ZNF521: variants seen among roughly 807,000 people sequenced by gnomAD.
ZNF521 encodes LYST-interacting protein 3.
Under a neutral mutation model 105.5 loss-of-function variants are expected in ZNF521, and 14 were observed. The observed-to-expected ratio is 0.13, with a 90% confidence interval of 0.09 to 0.21. The LOEUF (loss-of-function observed/expected upper bound fraction) is 0.21, where lower values mean the gene tolerates loss of function less well. Ranked by LOEUF, ZNF521 falls within the 10% of genes least tolerant of loss-of-function variation. ZNF521 has a pLI of 1.00. For synonymous variants in ZNF521, 635 were observed against 606.0 expected (o/e 1.05, Z -0.70); for missense variants, 1,233 against 1,629.7 (o/e 0.76, Z 4.19).
At chr18:25,291,851 C>G (rs946809053) in intron 3 of ZNF521, among the ~76,000 whole-genome samples, 2 of 152,078 alleles carry the variant, frequency 1.3e-5, no homozygotes, top group Non-Finnish European at 2.9e-5. Context: ...AACACCCTCT[C>G]TAGATACAAC....
chr18:25,200,350 T>C (rs768827324), intron 4 of ZNF521, among the ~76,000 whole-genome samples: 8 of 152,096 alleles, frequency 5.3e-5, no homozygotes, highest in Non-Finnish European at 8.8e-5. Flanking sequence ...TCTTAATTCC[T>C]TTAGTCTATT....
At chr18:25,164,007 A>G (rs974959970) in intron 5 of ZNF521, among the ~76,000 whole-genome samples, 2 of 152,128 alleles carry the variant, frequency 1.3e-5, no homozygotes, top group African/African-American at 4.8e-5. Context: ...AGCTGAAATC[A>G]TTTGGTACTC....
At chr18:25,314,723 C>T (rs931969378) in intron 3 of ZNF521, among the ~76,000 whole-genome samples, 2 of 152,172 alleles carry the variant, frequency 1.3e-5, no homozygotes, top group Non-Finnish European at 2.9e-5. Context: ...AGAACTAACA[C>T]AATGCTATTT....
At chr18:25,285,451 A>T (rs188206171) in intron 3 of ZNF521, among the ~76,000 whole-genome samples, 1 of 152,334 alleles carries the variant, frequency 6.6e-6, no homozygotes, top group African/African-American at 2.4e-5. Flanking sequence ...TGACATGTTG[A>T]CAGATTGCTC....
chr18:25,065,690 T>C (rs1301660082), intron 7 of ZNF521, among the ~76,000 whole-genome samples: 1 of 152,098 alleles, frequency 6.6e-6, no homozygotes, highest in Non-Finnish European at 1.5e-5. Flanking sequence ...GTGCTTATGA[T>C]GGACACTCCA....
intron 5 of ZNF521, among the ~76,000 whole-genome samples, chr18:25,136,412 A>C (rs1443626048): frequency 6.6e-6 from 1 of 152,328 alleles, no homozygotes. Context: ...TAACAACAAT[A>C]ATGTCTAACA....
rs34563599 is a variant in ZNF521, at chr18:25,205,141, T to TAAAAAAAAAAAAAAAAAAAAAA, written c.3574-9919_3574-9898dup. Among the ~76,000 whole-genome samples the TAAAAAAAAAAAAAAAAAAAAAA allele has an allele frequency of 2.7e-5, 2 of 74,934 alleles. 1 individual carries two copies. The highest frequency in any genetic ancestry group is 1.2e-4 in the African/African-American group (2 of 16,056). 49.2% of individuals were successfully genotyped at this position (74,934 alleles called of 152,430 possible). A position where few individuals can be genotyped will look rare whatever the true frequency, so the allele number is the denominator to read the frequency against. ...GACTAAATTGATGCCGTAGTGAAGG[T>TAAAAAAAAAAAAAAAAAAAAAA]AAAAAAAAAAAAAAAAAAAAAAAAA... On this transcript the variant is annotated intron_variant, in intron 4 of 7. Transcript: ENST00000361524.
intron 5 of ZNF521, among the ~76,000 whole-genome samples, chr18:25,164,225 T>G (rs2144533334): frequency 6.6e-6 from 1 of 152,302 alleles, no homozygotes; most frequent in Admixed American, 6.5e-5. Flanking sequence ...CTCCTGCAGC[T>G]TCTGTGCCTT....
At chr18:25,075,648 T>C (rs1433078109) in intron 7 of ZNF521, among the ~76,000 whole-genome samples, 2 of 152,220 alleles carry the variant, frequency 1.3e-5, no homozygotes, top group African/African-American at 4.8e-5. Flanking sequence ...TACTTGGGTA[T>C]ATATTTCAGA....
chr18:25,138,865 C>A (rs544758286), intron 5 of ZNF521, among the ~76,000 whole-genome samples: 6 of 152,266 alleles, frequency 3.9e-5, no homozygotes, highest in African/African-American at 1.2e-4. Context: ...GCTCTACCCA[C>A]GAACACTGCC....
rs1311711318 is a variant in ZNF521 at position 25,224,801 on chromosome 18, C to T, written c.3117G>A (p.Gly1039=). 6.2e-7 allele frequency: 1 copy of T among 1,614,058 alleles called. No individual in the cohort carries two copies. Among genetic ancestry groups the T allele is most frequent in the Non-Finnish European group, 8.5e-7 (1 of 1,180,014 alleles). The change falls in exon 4 of 8, where the codon GGG becomes GGA. Residue 1039 remains glycine, a synonymous_variant. Coordinates refer to ENST00000361524, the MANE Select transcript of ZNF521 (RefSeq NM_015461.3). ...TCCCTGTCTTTTGCATGTGGAACGTCCCATGGATTTTGAGTTCCAAGGTGG... is the reference window on the plus strand; with the variant it reads ...TCCCTGTCTTTTGCATGTGGAACGTTCCATGGATTTTGAGTTCCAAGGTGG... ...VTSTLELKIH[G]TFHMQKTGNG... is the part of the protein sequence containing the mutation.
chr18:25,351,633 A>C (rs1248000980), intron 1 of ZNF521: 6 of 152,568 alleles, frequency 3.9e-5, no homozygotes, highest in Admixed American at 3.9e-4. Context: ...GAAAATAAGC[A>C]AAGGGAAAAA....
At chr18:25,238,133 A>G (rs1360435274) in intron 3 of ZNF521, among the ~76,000 whole-genome samples, 1 of 152,136 alleles carries the variant, frequency 6.6e-6, no homozygotes, top group Non-Finnish European at 1.5e-5. Context: ...GAAAACCCTC[A>G]AAGTCCATCC....
At chr18:25,219,588 C>T (rs1194535887) in intron 4 of ZNF521, among the ~76,000 whole-genome samples, 2 of 152,086 alleles carry the variant, frequency 1.3e-5, no homozygotes, top group African/African-American at 2.4e-5. Context: ...CTTTGGGAGG[C>T]TGAGGCAGGT....
intron 3 of ZNF521, among the ~76,000 whole-genome samples, chr18:25,236,026 G>C (rs2144775004): frequency 6.6e-6 from 1 of 152,234 alleles, no homozygotes; most frequent in South Asian, 2.1e-4. Context: ...AATTGTTAAG[G>C]TCTGTGGCAA....
chr18:25,321,284 G>T (rs1313865797), intron 3 of ZNF521, among the ~76,000 whole-genome samples: 1 of 152,214 alleles, frequency 6.6e-6, no homozygotes, highest in Non-Finnish European at 1.5e-5. Context: ...TATATTTTAA[G>T]TGGGGTAGAT....
chr18:25,192,018 A>G (rs1236950169), intron 5 of ZNF521, among the ~76,000 whole-genome samples: 5 of 152,150 alleles, frequency 3.3e-5, no homozygotes, highest in Non-Finnish European at 7.3e-5. Context: ...AAAGGAAGAG[A>G]GGAAAAATTT....
intron 5 of ZNF521, among the ~76,000 whole-genome samples, chr18:25,169,893 G>A (rs1360860846): frequency 2.0e-5 from 3 of 152,146 alleles, no homozygotes; most frequent in African/African-American, 7.2e-5. Context: ...AGTCACTTAT[G>A]CTGCAATTAT....
At chr18:25,324,398 CA>C (rs34574068) in intron 2 of ZNF521, among the ~76,000 whole-genome samples, 17,370 of 116,304 alleles carry the variant, frequency 0.15, 1,169 homozygotes, top group East Asian at 0.36. Flanking sequence ...GCAACAGATG[CA>C]AAAAAAAAAA....
Sources: allele counts gnomAD v4.1 joint callset (sites outside exome capture counted in the v4.1 genomes callset), GRCh38; gene constraint gnomAD v4.1.1; transcripts MANE v1.5; gene names NCBI Gene and HGNC (gene_info 2026-07-23, HGNC 2026-07-21).